The following NBPF3 variants were observed in gnomAD, a reference collection of about 807,000 sequenced individuals.
NBPF3 encodes the protein NBPF member 3, also known as NBPF family member NBPF3.
Under a neutral mutation model 78.1 loss-of-function variants are expected in NBPF3, and 57 were observed. That is an observed-to-expected ratio of 0.73 (90% CI 0.59 to 0.91). The LOEUF is 0.91. Ranked by LOEUF, NBPF3 falls within the 40% of genes least tolerant of loss-of-function variation. NBPF3 has a pLI of 0.00. For missense variants in NBPF3, 510 were observed against 715.3 expected (o/e 0.71, Z 3.27); for synonymous variants, 182 against 271.7 (o/e 0.67, Z 3.25).
At chr1:21,442,689 G>A (rs1640728370) in intron 1 of NBPF3, among the ~76,000 whole-genome samples, 1 of 150,826 alleles carries the variant, frequency 6.6e-6, no homozygotes, top group Non-Finnish European at 1.5e-5. Flanking sequence ...TTTCAGACAG[G>A]GCCTCACTCT....
chr1:21,438,825 A>G (rs756339451), upstream of NBPF3, among the ~76,000 whole-genome samples: 40 of 152,232 alleles, frequency 2.6e-4, no homozygotes, highest in Non-Finnish European at 4.6e-4. Context: ...TTGGTGAACT[A>G]TAAAACTCTA....
intron 5 of NBPF3, among the ~76,000 whole-genome samples, chr1:21,472,082 T>A (rs569513509): frequency 6.6e-6 from 1 of 152,302 alleles, no homozygotes; most frequent in African/African-American, 2.4e-5. Flanking sequence ...GGGAGGGCGC[T>A]TTTTAGAGTG....
chr1:21,477,713 CATATT>C (rs1336699657), intron 8 of NBPF3, among the ~76,000 whole-genome samples: 4 of 151,552 alleles, frequency 2.6e-5, no homozygotes, highest in African/African-American at 7.3e-5. Flanking sequence ...AAAAAATAAA[CATATT>C]ATATCAAAAT....
chr1:21,445,607 C>T (rs1365397182), intron 2 of NBPF3, among the ~76,000 whole-genome samples: 1 of 151,812 alleles, frequency 6.6e-6, no homozygotes, highest in Non-Finnish European at 1.5e-5. Context: ...ATGGCTCACC[C>T]CCTCCCTGTC....
At chr1:21,466,895 G>A (rs994422432) in intron 2 of NBPF3, 2 of 728,794 alleles carry the variant, frequency 2.7e-6, no homozygotes, top group Non-Finnish European at 3.4e-6. Flanking sequence ...TGTACGAATT[G>A]GTCAGTGAAC....
intron 8 of NBPF3, among the ~76,000 whole-genome samples, chr1:21,475,236 G>T (rs1642830445): frequency 6.6e-6 from 1 of 152,158 alleles, no homozygotes; most frequent in Admixed American, 6.5e-5. Context: ...TGATTTTTTT[G>T]AAGGGTTTTT....
chr1:21,469,414 G>GT (rs1426957558), intron 3 of NBPF3, among the ~76,000 whole-genome samples: 1 of 152,144 alleles, frequency 6.6e-6, no homozygotes. Context: ...TGTGGTATCT[G>GT]TAAGTGACAG....
rs1642943122 is a variant in NBPF3, at chr1:21,477,432, A to G, written c.993-712A>G. Among the ~76,000 whole-genome samples the G allele has an allele frequency of 2.0e-5, 3 of 152,260 alleles. No individual in the cohort carries two copies. The South Asian group carries it at 6.2e-4, about 32-fold the overall frequency. On this transcript the variant is annotated intron_variant, in intron 8 of 14. Transcript: ENST00000318249. ...TGGTTTTATCTACCTTTGGTCTTTG[A>G]TGCTGGTGACCTACAGATGGGGTTT...
chr1:21,470,045 A>G (rs1642499800), intron 3 of NBPF3, among the ~76,000 whole-genome samples: 2 of 152,168 alleles, frequency 1.3e-5, no homozygotes, highest in African/African-American at 2.4e-5. Context: ...TCTTCATTCT[A>G]CTGTTTCTAA....
In NBPF3 at chr1:21,440,215, T is replaced by C. The variant is rs559972183; in HGVS notation, c.-273T>C. On this transcript the variant is annotated 5_prime_UTR_variant, in exon 1 of 15. Coordinates refer to ENST00000318249, the MANE Select transcript of NBPF3 (RefSeq NM_032264.6). The stretch of plus-strand genomic sequence containing the variant: ...GTGAGGATCCCGAGACTGAGTGAGC[T>C]TCTGCGCGCGGTGCTTTTGGGAACG... 4 of 151,538 alleles carry C rather than the reference T, an allele frequency of 2.6e-5. No individual in the cohort carries two copies. In the South Asian group the frequency reaches 8.3e-4, roughly 31 times the overall value. The allele number at this position is 151,538 out of a possible 1,614,324, so 9.4% of individuals were successfully genotyped here.
In NBPF3 at chr1:21,445,104, T is replaced by C. The variant is rs1282337811; in HGVS notation, c.18T>C (p.Thr6=). 9.3e-6 allele frequency: 15 copies of C among 1,611,534 alleles called. No homozygotes were observed. Among genetic ancestry groups the C allele is most frequent in the Admixed American group, 1.7e-5 (1 of 59,970 alleles). ...CACTGGGGATGCCACTGACTCCCAC[T>C]GTCCAGGGCTTCCAGTGGACTCTCC... MPLTP[T]VQGFQWTLRG... Residue 6 remains threonine, a synonymous_variant, in exon 2 of 15, where the codon ACT becomes ACC. Coordinates refer to ENST00000318249, the MANE Select transcript of NBPF3 (RefSeq NM_032264.6).
intron 2 of NBPF3, among the ~76,000 whole-genome samples, chr1:21,462,733 A>G (rs928079618): frequency 6.6e-6 from 1 of 152,236 alleles, no homozygotes; most frequent in African/African-American, 2.4e-5. Context: ...CTAATGGTAC[A>G]AGGTTAGCTT....
chr1:21,456,599 C>A (rs535733574), intron 2 of NBPF3, among the ~76,000 whole-genome samples: 1 of 151,498 alleles, frequency 6.6e-6, no homozygotes, highest in Non-Finnish European at 1.5e-5. Flanking sequence ...AGAGAAAAAC[C>A]GTATGATTAC....
chr1:21,454,486 GA>G (rs1428983738), intron 2 of NBPF3, among the ~76,000 whole-genome samples: 1 of 152,094 alleles, frequency 6.6e-6, no homozygotes, highest in Admixed American at 6.5e-5. Flanking sequence ...GTGTATCCTG[GA>G]AATCTTCCTC....
intron 7 of NBPF3, 96 bp downstream of exon 7, chr1:21,473,681 A>G: frequency 1.8e-6 from 2 of 1,086,588 alleles, no homozygotes; most frequent in Non-Finnish European, 2.8e-6. Flanking sequence ...TTTTAATAAA[A>G]TCTATTATGG....
At chr1:21,437,141 C>CTGT (rs1640441472), upstream of NBPF3, among the ~76,000 whole-genome samples, 1 of 151,882 alleles carries the variant, frequency 6.6e-6, no homozygotes, top group Non-Finnish European at 1.5e-5. Context: ...GAGCCAGGAC[C>CTGT]CTGGGAAAAG....
At position 21,445,043 on chromosome 1, in the gene NBPF3, A is replaced by T. The variant is rs1478579165; in HGVS notation, c.-44A>T. 1 of 1,587,344 alleles carries T rather than the reference A, an allele frequency of 6.3e-7. No individual in the cohort carries two copies. Among genetic ancestry groups the T allele is most frequent in the Admixed American group, 1.8e-5 (1 of 56,600 alleles). ...TGTCCCTTGCCGTCCTCCTGAGGGT[A>T]TCTGGAGCTTCAGTGCTGTGTGCTC... is the stretch of plus-strand genomic sequence containing the variant. On this transcript the variant is annotated 5_prime_UTR_variant, in exon 2 of 15. Transcript: ENST00000318249.
chr1:21,450,704 A>G (rs760011187), intron 2 of NBPF3, among the ~76,000 whole-genome samples: 1 of 150,832 alleles, frequency 6.6e-6, no homozygotes, highest in Non-Finnish European at 1.5e-5. Context: ...AGATCACATC[A>G]GATCAAAAGT....
chr1:21,463,048 A>G (rs940803501), intron 2 of NBPF3, among the ~76,000 whole-genome samples: 14 of 152,252 alleles, frequency 9.2e-5, no homozygotes, highest in African/African-American at 3.1e-4. Context: ...TCTAGAAAGA[A>G]GTCACACATA....
Sources: gnomAD v4.1 joint callset for allele counts (sites outside exome capture counted in the v4.1 genomes callset) on GRCh38, gnomAD v4.1.1 for gene constraint, MANE v1.5 for transcripts, NCBI Gene and HGNC (gene_info 2026-07-23, HGNC 2026-07-21) for gene names.